UGT1A8: variants seen among roughly 807,000 people sequenced by gnomAD.
UGT1A8 encodes the protein UDP glucuronosyltransferase family 1 member A8.
In UGT1A8, 39 loss-of-function variants were observed where a neutral mutation model predicts 45.3. That is an observed-to-expected ratio of 0.86 (90% CI 0.67 to 1.12). The LOEUF (loss-of-function observed/expected upper bound fraction) is 1.12, where lower values mean the gene tolerates loss of function less well. Ranked by LOEUF, UGT1A8 falls within the 50% of genes most tolerant of loss-of-function variation. The probability of loss-of-function intolerance (pLI) is 0.00; values close to 1 mark genes in which losing one functional copy is unlikely to be tolerated. For missense variants in UGT1A8, 719 were observed against 664.9 expected (o/e 1.08, Z -0.90); for synonymous variants, 275 against 249.2 (o/e 1.10, Z -0.97).
At chr2:233,632,989 A>T (rs2073219264) in intron 1 of UGT1A8, among the ~76,000 whole-genome samples, 1 of 152,146 alleles carries the variant, frequency 6.6e-6, no homozygotes, top group Non-Finnish European at 1.5e-5. Flanking sequence ...AACTTTTATT[A>T]TTTTGAGATA....
intron 1 of UGT1A8, among the ~76,000 whole-genome samples, chr2:233,657,245 C>T (rs908221352): frequency 6.6e-5 from 10 of 152,198 alleles, no homozygotes; most frequent in Non-Finnish European, 1.2e-4. Context: ...CTCAGAAGCA[C>T]CTGGCGGTTT....
intron 1 of UGT1A8, among the ~76,000 whole-genome samples, chr2:233,757,733 CA>C (rs1183069560): frequency 6.6e-6 from 1 of 151,564 alleles, no homozygotes; most frequent in Non-Finnish European, 1.5e-5. Context: ...AGATGATCTA[CA>C]GGGCACTGGA....
At chr2:233,708,987 T>G (rs1038363322) in intron 1 of UGT1A8, among the ~76,000 whole-genome samples, 2 of 152,196 alleles carry the variant, frequency 1.3e-5, no homozygotes, top group Non-Finnish European at 2.9e-5. Flanking sequence ...TCCTCGGCCG[T>G]GGCATCCTTC....
At position 233,617,681 on chromosome 2, in the gene UGT1A8, G is replaced by T. The variant is rs1192225778; in HGVS notation, c.-27G>T. 5.6e-6 allele frequency: 9 copies of T among 1,598,220 alleles called. No homozygotes were observed. The highest frequency in any genetic ancestry group is 7.7e-6 in the Non-Finnish European group (9 of 1,171,098). ...TGTATCATAGCAGCTTAGAATCCCA[G>T]CTGCTGGCTCGGGCTGCAGTTCTCT... is the stretch of plus-strand genomic sequence containing the variant. On this transcript the variant is annotated 5_prime_UTR_variant, in exon 1 of 5. Transcript: ENST00000373450.
At chr2:233,698,567 G>T (rs2075448445) in intron 1 of UGT1A8, among the ~76,000 whole-genome samples, 1 of 152,166 alleles carries the variant, frequency 6.6e-6, no homozygotes, top group Admixed American at 6.5e-5. Context: ...TTAAGAACAT[G>T]TTTAATTTCA....
intron 1 of UGT1A8, chr2:233,682,233 C>T (rs2074566942): frequency 5.6e-6 from 9 of 1,614,200 alleles, no homozygotes; most frequent in African/African-American, 2.7e-5. Flanking sequence ...GCTCGCTGGA[C>T]GGCACCATTG....
chr2:233,623,693 A>G (rs893575257), intron 1 of UGT1A8, among the ~76,000 whole-genome samples: 2 of 152,096 alleles, frequency 1.3e-5, no homozygotes, highest in Non-Finnish European at 2.9e-5. Context: ...ACATCTTTCC[A>G]TGTAGATCAA....
At chr2:233,697,139 T>G (rs2075377929) in intron 1 of UGT1A8, among the ~76,000 whole-genome samples, 1 of 152,116 alleles carries the variant, frequency 6.6e-6, no homozygotes. Flanking sequence ...TCTGTAATAG[T>G]TTGAGTGGAA....
chr2:233,725,073 G>A (rs1490927388), intron 1 of UGT1A8, among the ~76,000 whole-genome samples: 1 of 145,046 alleles, frequency 6.9e-6, no homozygotes, highest in Non-Finnish European at 1.5e-5. Context: ...TGCAATCGCA[G>A]GCACTCGGCA....
rs2073793646 is a variant in UGT1A8 at position 233,653,833 on chromosome 2, A to G, written c.855+35271A>G. Among the ~76,000 whole-genome samples, 4 of 152,168 alleles carry G rather than the reference A, an allele frequency of 2.6e-5. No homozygotes were observed. In the South Asian group the frequency reaches 6.2e-4, roughly 24 times the overall value. On this transcript the variant is annotated intron_variant, in intron 1 of 4. Coordinates refer to ENST00000373450, the MANE Select transcript of UGT1A8 (RefSeq NM_019076.5). The stretch of plus-strand genomic sequence containing the variant: ...GTTGGTCTTGAACTCCTGACTTCAG[A>G]TGATCTGCCCTTCTCAGCCTCCCAA...
chr2:233,732,117 C>A (rs2078240109), intron 1 of UGT1A8, among the ~76,000 whole-genome samples: 1 of 144,304 alleles, frequency 6.9e-6, no homozygotes, highest in Non-Finnish European at 1.5e-5. Context: ...CCTTTGCCCA[C>A]TTTTTGATGA....
At chr2:233,747,180 G>A in intron 1 of UGT1A8, 1 of 1,601,796 alleles carries the variant, frequency 6.2e-7, no homozygotes, top group South Asian at 1.1e-5. Flanking sequence ...CACAGCGTGG[G>A]GTGGACAGTC....
chr2:233,729,585 C>G lies in UGT1A8; in HGVS notation c.856-37449C>G, dbSNP rs138617806. The G allele has an allele frequency of 8.1e-6, 13 of 1,613,966 alleles. No individual in the cohort carries two copies. In the African/African-American group the frequency reaches 1.3e-4, roughly 17 times the overall value. ...CCTTTGATGTGGTTTTAACAGACCC[C>G]GTTAACCTCTGCGCGGCAGTGCTGG... On this transcript the variant is annotated intron_variant, in intron 1 of 4. Coordinates refer to ENST00000373450, the MANE Select transcript of UGT1A8 (RefSeq NM_019076.5).
chr2:233,667,012 G>A (rs1216378029), intron 1 of UGT1A8, among the ~76,000 whole-genome samples: 2 of 152,152 alleles, frequency 1.3e-5, no homozygotes, highest in South Asian at 2.1e-4. Flanking sequence ...GTATTCCATG[G>A]TGTGTATGTG....
At chr2:233,658,386 T>C (rs949985397) in intron 1 of UGT1A8, among the ~76,000 whole-genome samples, 2 of 152,200 alleles carry the variant, frequency 1.3e-5, no homozygotes, top group Non-Finnish European at 2.9e-5. Flanking sequence ...ATTTGATACA[T>C]TATGATGAAC....
intron 1 of UGT1A8, chr2:233,636,870 T>C: frequency 6.2e-7 from 1 of 1,614,128 alleles, no homozygotes; most frequent in Non-Finnish European, 8.5e-7. Flanking sequence ...CCAGTGGTTT[T>C]CTTGACTTAT....
intron 1 of UGT1A8, chr2:233,743,882 C>A: frequency 2.9e-6 from 4 of 1,367,088 alleles, no homozygotes; most frequent in Non-Finnish European, 3.9e-6. Flanking sequence ...TGAGGCCTGC[C>A]GGGGCACGTC....
intron 1 of UGT1A8, among the ~76,000 whole-genome samples, chr2:233,657,752 TATG>T (rs1380233677): frequency 6.6e-6 from 1 of 152,216 alleles, no homozygotes; most frequent in African/African-American, 2.4e-5. Context: ...CCTATTTAAA[TATG>T]ATGTTGAGCA....
chr2:233,648,765 G>A (rs2073667167), intron 1 of UGT1A8: 1 of 743,294 alleles, frequency 1.3e-6, no homozygotes, highest in Non-Finnish European at 2.1e-6. Flanking sequence ...CACCCAGCCT[G>A]GATGCCATGA....
Sources: gnomAD v4.1 joint callset for allele counts (sites outside exome capture counted in the v4.1 genomes callset) on GRCh38, gnomAD v4.1.1 for gene constraint, MANE v1.5 for transcripts, NCBI Gene and HGNC (gene_info 2026-07-23, HGNC 2026-07-21) for gene names.